CLEC2L: variants seen among roughly 807,000 people sequenced by gnomAD.
The protein encoded by CLEC2L is C-type lectin domain family 2 member L, also known as C-type lectin domain family 2, member L.
Under a neutral mutation model 23.6 loss-of-function variants are expected in CLEC2L, and 14 were observed. The ratio of observed to expected loss-of-function variants is 0.59; its 90% CI spans 0.39 to 0.93. CLEC2L has a LOEUF of 0.93. Among genes scored for constraint, CLEC2L ranks in the 40% least tolerant of loss-of-function variants. The pLI is 0.00. For synonymous variants in CLEC2L, 114 were observed against 121.3 expected (o/e 0.94, Z 0.40); for missense variants, 264 against 282.4 (o/e 0.93, Z 0.47).
At position 139,531,909 on chromosome 7, in the gene CLEC2L, C is replaced by CA. The variant is rs11289572; in HGVS notation, c.191-4354dup. ...TGGGCAACAGAGCAAGACTCTGTCT[C>CA]AAAAAAAAAAAGAAAAAGAAAAAGA... On this transcript the variant is annotated intron_variant, in intron 1 of 4. Coordinates refer to ENST00000422142, the MANE Select transcript of CLEC2L (RefSeq NM_001080511.4). Among the ~76,000 whole-genome samples, 1,086 of 132,338 alleles carry CA rather than the reference C, an allele frequency of 8.2e-3. 12 individuals are homozygous for CA. The highest frequency in any genetic ancestry group is 0.019 in the Admixed American group (240 of 12,732). The allele number at this position is 132,338 out of a possible 152,430, so 86.8% of individuals were successfully genotyped here.
chr7:139,542,042 C>G lies in CLEC2L; in HGVS notation c.454C>G (p.Arg152Gly), dbSNP rs767239239. The change falls in exon 4 of 5, where the codon CGG becomes GGG. Residue 152 changes from arginine (R) to glycine (G), a missense_variant. Coordinates refer to ENST00000422142, the MANE Select transcript of CLEC2L (RefSeq NM_001080511.4). ...KELEFMFKFT[R>G]REPWIGLRRV... ...GCAGGAATTTATGTTCAAGTTCACG[C>G]GGAGGGAGCCCTGGATTGGACTACG... 2 of 1,612,654 alleles carry G rather than the reference C, an allele frequency of 1.2e-6. No homozygotes were observed. The highest frequency in any genetic ancestry group is 2.7e-5 in the African/African-American group (2 of 75,020).
Position 139,540,541 on chromosome 7 carries a change from C to G in CLEC2L, c.432+54C>G. On this transcript the variant is annotated intron_variant, in intron 3 of 4. Coordinates refer to ENST00000422142, the MANE Select transcript of CLEC2L (RefSeq NM_001080511.4). The surrounding 1 kb of genome is among the most constrained non-coding windows in gnomAD (Gnocchi z 5.8). The stretch of plus-strand genomic sequence containing the variant: ...GGGAAGGGACCCTCAGGGCCCCCAA[C>G]CTTGACTCTAGGGGACAGCCACACA... 1 of 1,543,592 alleles carries G rather than the reference C, an allele frequency of 6.5e-7. No homozygotes were observed. Among genetic ancestry groups the G allele is most frequent in the African/African-American group, 1.4e-5 (1 of 73,190 alleles).
chr7:139,535,375 G>A (rs1415704744), intron 1 of CLEC2L, among the ~76,000 whole-genome samples: 2 of 152,164 alleles, frequency 1.3e-5, no homozygotes, highest in African/African-American at 4.8e-5. Context: ...GGGGAGAGGA[G>A]GGGATGGGAG....
At chr7:139,525,080 A>T (rs1275493000) in intron 1 of CLEC2L, among the ~76,000 whole-genome samples, 3 of 152,092 alleles carry the variant, frequency 2.0e-5, no homozygotes, top group Non-Finnish European at 4.4e-5. Flanking sequence ...TGGAGTACTG[A>T]GATGGGGCAG....
At chr7:139,541,631 G>A (rs558068797) in intron 3 of CLEC2L, among the ~76,000 whole-genome samples, 43 of 152,324 alleles carry the variant, frequency 2.8e-4, no homozygotes, top group African/African-American at 7.9e-4. Flanking sequence ...CAACCAACCT[G>A]AGCATTGAGA....
chr7:139,532,523 C>G (rs1271476245), intron 1 of CLEC2L, among the ~76,000 whole-genome samples: 2 of 152,236 alleles, frequency 1.3e-5, no homozygotes, highest in South Asian at 4.2e-4. Context: ...TCAGAAAGTT[C>G]CAAGGGACAT....
At chr7:139,543,414 G>T (rs1192958339) in intron 4 of CLEC2L, among the ~76,000 whole-genome samples, 1 of 152,212 alleles carries the variant, frequency 6.6e-6, no homozygotes, top group Non-Finnish European at 1.5e-5. Flanking sequence ...CAACCAAGGG[G>T]CCGTTGGCCA....
Position 139,540,280 on chromosome 7 carries a change from CTGGGGGG to C in CLEC2L, c.266-40_266-34del. The C allele has an allele frequency of 9.5e-7, 1 of 1,053,852 alleles. No individual in the cohort carries two copies. 65.3% of individuals were successfully genotyped at this position (1,053,852 alleles called of 1,614,324 possible). A position where few individuals can be genotyped will look rare whatever the true frequency, so the allele number is the denominator to read the frequency against. ...CACAGAAAGCAGAGTGGGACTCGGG[CTGGGGGG>C]GCGGGCAGGGCCGAGCTGGTCTCTT... On this transcript the variant is annotated intron_variant, in intron 2 of 4. Coordinates refer to ENST00000422142, the MANE Select transcript of CLEC2L (RefSeq NM_001080511.4). The surrounding 1 kb of genome is among the most constrained non-coding windows in gnomAD (Gnocchi z 5.8).
At chr7:139,526,094 G>A (rs1797502090) in intron 1 of CLEC2L, among the ~76,000 whole-genome samples, 1 of 152,116 alleles carries the variant, frequency 6.6e-6, no homozygotes, top group South Asian at 2.1e-4. Context: ...CAGCATCTTG[G>A]GCCTACTGAC....
chr7:139,527,645 G>A (rs941755739), intron 1 of CLEC2L, among the ~76,000 whole-genome samples: 8 of 152,148 alleles, frequency 5.3e-5, no homozygotes, highest in Non-Finnish European at 1.0e-4. Context: ...ATTCGAGATG[G>A]GCATATTTCT....
chr7:139,542,236 T>C, intron 4 of CLEC2L, 115 bp downstream of exon 4: 4 of 669,976 alleles, frequency 6.0e-6, no homozygotes, highest in Non-Finnish European at 1.0e-5. Flanking sequence ...CTAGAGATAC[T>C]AGTCTCGGGG....
Position 139,540,125 on chromosome 7 carries a change from C to A in CLEC2L, c.266-196C>A. ...TGTCACTTCCCGTCGTGATGATGCC[C>A]CTGCCAGGCTTCCCACAGTCCCCTT... On this transcript the variant is annotated intron_variant, in intron 2 of 4. Coordinates refer to ENST00000422142, the MANE Select transcript of CLEC2L (RefSeq NM_001080511.4). This position sits in a 1 kb window ranked among gnomAD's most constrained non-coding sequence, Gnocchi z 5.8. 1.7e-6 allele frequency: 1 copy of A among 580,000 alleles called. No homozygotes were observed. The highest frequency in any genetic ancestry group is 2.9e-5 in the East Asian group (1 of 34,264). The allele number at this position is 580,000 out of a possible 1,614,324, so 35.9% of individuals were successfully genotyped here.
rs868614838 is a variant in CLEC2L, at chr7:139,529,140, C to T, written c.190+5023C>T. 3.9e-5 allele frequency among the ~76,000 whole-genome samples: 6 copies of T among 151,972 alleles called. No individual in the cohort carries two copies. In the South Asian group the frequency reaches 1.2e-3, roughly 32 times the overall value. On this transcript the variant is annotated intron_variant, in intron 1 of 4. Transcript: ENST00000422142. ...CTTACCCCAAAGCACAGTCCTTACC[C>T]CAAAGGAGCCTAGGGCTGATGGTCA...
At chr7:139,526,349 A>T (rs1403998651) in intron 1 of CLEC2L, among the ~76,000 whole-genome samples, 1 of 152,090 alleles carries the variant, frequency 6.6e-6, no homozygotes, top group Admixed American at 6.5e-5. Flanking sequence ...GGGGTGGGGC[A>T]GGGTAGAGAG....
In CLEC2L at chr7:139,541,861, C is replaced by T. The variant is rs115031845; in HGVS notation, c.433-160C>T. 4.6e-3 allele frequency among the ~76,000 whole-genome samples: 705 copies of T among 152,334 alleles called. 5 individuals carry two copies. Among genetic ancestry groups the T allele is most frequent in the African/African-American group, 0.016 (664 of 41,582 alleles). On this transcript the variant is annotated intron_variant, in intron 3 of 4. Transcript: ENST00000422142. Reference sequence around the variant, plus strand: ...AGCGTGACTGCAGAGGATCCTGTAACCTAGCTCCTTACTTGCGGGATTCAG... The same window carrying T: ...AGCGTGACTGCAGAGGATCCTGTAATCTAGCTCCTTACTTGCGGGATTCAG...
chr7:139,534,437 C>G, intron 1 of CLEC2L: 3 of 860,868 alleles, frequency 3.5e-6, no homozygotes, highest in Non-Finnish European at 6.1e-6. Context: ...ATCTGGCAGA[C>G]CTCAGCTGCC....
At chr7:139,526,358 A>C (rs952261803) in intron 1 of CLEC2L, among the ~76,000 whole-genome samples, 1 of 152,024 alleles carries the variant, frequency 6.6e-6, no homozygotes, top group African/African-American at 2.4e-5. Context: ...CAGGGTAGAG[A>C]GAGACGGGTC....
At chr7:139,532,849 A>G (rs911209953) in intron 1 of CLEC2L, among the ~76,000 whole-genome samples, 8 of 152,178 alleles carry the variant, frequency 5.3e-5, no homozygotes, top group Non-Finnish European at 1.2e-4. Flanking sequence ...GGAGAAATAA[A>G]TGTCTGTTGT....
In CLEC2L at chr7:139,534,306, C is replaced by A. The variant is rs137865403; in HGVS notation, c.191-1968C>A. On this transcript the variant is annotated intron_variant, in intron 1 of 4. Transcript: ENST00000422142. ...CAGAAGGCAGAACTTATGCTGACTA[C>A]GAATCTGTGAATGAATGCATGGAAG... 4,800 of 1,466,112 alleles carry A rather than the reference C, an allele frequency of 3.3e-3. 206 individuals carry two copies. The Admixed American group carries it at 0.075, about 23-fold the overall frequency. 90.8% of individuals were successfully genotyped at this position (1,466,112 alleles called of 1,614,324 possible).
Sources: allele counts gnomAD v4.1 joint callset (sites outside exome capture counted in the v4.1 genomes callset), GRCh38; gene constraint gnomAD v4.1.1; non-coding constraint Gnocchi (gnomAD v3.1); transcripts MANE v1.5; gene names NCBI Gene and HGNC (gene_info 2026-07-23, HGNC 2026-07-21).